Variants in INO80C observed in about 807,000 individuals in gnomAD.
INO80C encodes IES6 homolog.
A neutral mutation model predicts 17.7 loss-of-function variants in INO80C; 17 were observed. That is an observed-to-expected ratio of 0.96 (90% CI 0.66 to 1.44). The LOEUF is 1.44. Among genes scored for constraint, INO80C ranks in the 40% most tolerant of loss-of-function variants. The pLI is 0.00. For missense variants in INO80C, 244 were observed against 245.0 expected (o/e 1.00, Z 0.03); for synonymous variants, 96 against 95.8 (o/e 1.00, Z -0.01).
At chr18:35,475,941 T>C (rs1448301616) in intron 4 of INO80C, among the ~76,000 whole-genome samples, 1 of 151,752 alleles carries the variant, frequency 6.6e-6, no homozygotes. Flanking sequence ...GCCATACATT[T>C]TGTTTGTAGC....
intron 4 of INO80C, among the ~76,000 whole-genome samples, chr18:35,476,327 TA>T (rs1263886588): frequency 6.6e-6 from 1 of 152,174 alleles, no homozygotes; most frequent in Non-Finnish European, 1.5e-5. Flanking sequence ...ACAGGATGAC[TA>T]AATTTGATAT....
At chr18:35,497,583 G>A in intron 1 of INO80C, 136 bp downstream of exon 1, 2 of 1,426,078 alleles carry the variant, frequency 1.4e-6, no homozygotes, top group Middle Eastern at 2.6e-4. Context: ...CATTCACTCC[G>A]CGGGGCAGCG....
At chr18:35,478,770 C>A (rs576622126) in intron 3 of INO80C, among the ~76,000 whole-genome samples, 1 of 152,298 alleles carries the variant, frequency 6.6e-6, no homozygotes, top group East Asian at 1.9e-4. Flanking sequence ...ATGTGAGTCA[C>A]CCCCATGAAA....
At chr18:35,484,616 T>C (rs1248241638) in intron 1 of INO80C, among the ~76,000 whole-genome samples, 6 of 152,210 alleles carry the variant, frequency 3.9e-5, no homozygotes, top group Non-Finnish European at 8.8e-5. Context: ...GGCATTTACA[T>C]TGCATTACCT....
At chr18:35,497,603 C>G in intron 1 of INO80C, 116 bp downstream of exon 1, 1 of 1,454,078 alleles carries the variant, frequency 6.9e-7, no homozygotes, top group Non-Finnish European at 9.1e-7. Context: ...GTCTTTCAAC[C>G]CCAACGGAGA....
chr18:35,479,085 A>C, intron 3 of INO80C: 2 of 431,714 alleles, frequency 4.6e-6, no homozygotes, highest in Non-Finnish European at 8.2e-6. Flanking sequence ...GACCCTAAAA[A>C]CCACACATCC....
chr18:35,489,295 G>C (rs12456796), intron 1 of INO80C: 50,019 of 270,494 alleles, frequency 0.18, 5,626 homozygotes, highest in Admixed American at 0.3. Context: ...CCTAAGACTG[G>C]GTAAATTATA....
At chr18:35,493,970 C>T (rs1394431944) in intron 1 of INO80C, among the ~76,000 whole-genome samples, 1 of 152,234 alleles carries the variant, frequency 6.6e-6, no homozygotes. Context: ...CACTTCCCCA[C>T]TAAGGGAACC....
chr18:35,497,509 T>G, intron 1 of INO80C: 1 of 1,370,264 alleles, frequency 7.3e-7, no homozygotes. Flanking sequence ...TCCCTACTTC[T>G]TCTTCTCTCC....
At chr18:35,480,632 A>AACAGGGCATACGATGATGCC in intron 1 of INO80C, 69 bp from the exon 2 acceptor site, 1 of 1,151,130 alleles carries the variant, frequency 8.7e-7, no homozygotes, top group African/African-American at 1.5e-5. Flanking sequence ...CTCTGCTCTC[A>AACAGGGCATACGATGATGCC]ACAGGGCATA....
chr18:35,496,896 T>C (rs1388788248), intron 1 of INO80C: 2 of 152,186 alleles, frequency 1.3e-5, no homozygotes, highest in African/African-American at 4.8e-5. Flanking sequence ...TAGCAAAGTA[T>C]TTAATATTAA....
intron 3 of INO80C, 116 bp from the exon 4 acceptor site, chr18:35,478,465 AGTAG>A: frequency 5.0e-6 from 4 of 798,320 alleles, no homozygotes; most frequent in Non-Finnish European, 7.9e-6. Context: ...TTTGTGATTA[AGTAG>A]TCACAGAAGT....
chr18:35,485,392 A>T (rs2045861197), intron 1 of INO80C, among the ~76,000 whole-genome samples: 1 of 152,210 alleles, frequency 6.6e-6, no homozygotes, highest in South Asian at 2.1e-4. Flanking sequence ...CAATTTTTAA[A>T]AGGGCAAAGA....
chr18:35,491,421 C>T (rs1567988479), intron 1 of INO80C, among the ~76,000 whole-genome samples: 1 of 152,174 alleles, frequency 6.6e-6, no homozygotes, highest in East Asian at 1.9e-4. Context: ...TCACTCCATC[C>T]TCTGCCAGAC....
chr18:35,469,865 C>T (rs2144019792), intron 4 of INO80C, among the ~76,000 whole-genome samples: 1 of 152,262 alleles, frequency 6.6e-6, no homozygotes, highest in South Asian at 2.1e-4. Context: ...AATGAATAAA[C>T]AAACAGACAA....
At position 35,482,346 on chromosome 18, in the gene INO80C, T is replaced by A. The variant is rs555049788; in HGVS notation, c.157-1783A>T. Reference sequence around the variant, plus strand: ...ATGCTGATAAGGAGCTCAACTTACTTAGTAAGTGAAAATCTTACTTATCTT... The same window carrying A: ...ATGCTGATAAGGAGCTCAACTTACTAAGTAAGTGAAAATCTTACTTATCTT... On this transcript the variant is annotated intron_variant, in intron 1 of 4. Coordinates refer to ENST00000334598, the MANE Select transcript of INO80C (RefSeq NM_194281.4). 1.8e-3 allele frequency among the ~76,000 whole-genome samples: 267 copies of A among 152,352 alleles called. 2 individuals are homozygous for A. Among genetic ancestry groups the A allele is most frequent in the Non-Finnish European group, 3.1e-3 (208 of 68,026 alleles).
chr18:35,485,504 C>T (rs1170646986), intron 1 of INO80C, among the ~76,000 whole-genome samples: 1 of 152,078 alleles, frequency 6.6e-6, no homozygotes, highest in Non-Finnish European at 1.5e-5. Flanking sequence ...AATGAAATTC[C>T]AGTGCACACT....
intron 4 of INO80C, among the ~76,000 whole-genome samples, chr18:35,471,764 CCCA>C (rs2045673011): frequency 6.7e-6 from 1 of 149,896 alleles, no homozygotes; most frequent in Non-Finnish European, 1.5e-5. Flanking sequence ...CTCCCTGCAC[CCCA>C]CAACATTCCC....
At chr18:35,487,484 G>C in intron 1 of INO80C, 1 of 253,484 alleles carries the variant, frequency 3.9e-6, no homozygotes, top group South Asian at 3.3e-5. Context: ...CCAAGTGAAA[G>C]GGGTTTCCCC....
Sources: gnomAD v4.1 joint callset for allele counts (sites outside exome capture counted in the v4.1 genomes callset) on GRCh38, gnomAD v4.1.1 for gene constraint, MANE v1.5 for transcripts, NCBI Gene and HGNC (gene_info 2026-07-23, HGNC 2026-07-21) for gene names.